LGALS8: variants seen among roughly 807,000 people sequenced by gnomAD.
LGALS8 encodes galectin 8.
In LGALS8, 30 loss-of-function variants were observed where a neutral mutation model predicts 35.9. That is an observed-to-expected ratio of 0.83 (90% CI 0.62 to 1.13). The LOEUF (loss-of-function observed/expected upper bound fraction) is 1.13, where lower values mean the gene tolerates loss of function less well. Among genes scored for constraint, LGALS8 ranks in the 50% most tolerant of loss-of-function variants. The pLI is 0.00. For missense variants in LGALS8, 366 were observed against 388.7 expected (o/e 0.94, Z 0.49); for synonymous variants, 138 against 136.1 (o/e 1.01, Z -0.10).
At chr1:236,525,945 T>C in intron 1 of LGALS8, 23 bp from the exon 2 acceptor site, 1 of 573,568 alleles carries the variant, frequency 1.7e-6, no homozygotes, top group Non-Finnish European at 3.1e-6. Context: ...ACTTTTCTTT[T>C]CCTCTATTTT....
intron 2 of LGALS8, among the ~76,000 whole-genome samples, chr1:236,537,031 T>TTTTTTTTTTTTG (rs1661565830): frequency 6.8e-6 from 1 of 146,270 alleles, no homozygotes; most frequent in Non-Finnish European, 1.5e-5. Context: ...CTTTTTTTTT[T>TTTTTTTTTTTTG]TTTGAGACGG....
At chr1:236,524,875 G>A (rs542900196) in intron 1 of LGALS8, 1 of 166,308 alleles carries the variant, frequency 6.0e-6, no homozygotes, top group South Asian at 1.3e-4. Flanking sequence ...TAAACCAAGA[G>A]GGATACAGTT....
intron 2 of LGALS8, among the ~76,000 whole-genome samples, chr1:236,533,400 T>G (rs1571998318): frequency 6.6e-6 from 1 of 151,886 alleles, no homozygotes; most frequent in East Asian, 2.0e-4. Context: ...AATGGCCCGA[T>G]CTCGGCTCAT....
At chr1:236,519,978 A>T (rs1328022313), upstream of LGALS8, among the ~76,000 whole-genome samples, 1 of 125,668 alleles carries the variant, frequency 8.0e-6, no homozygotes, top group Non-Finnish European at 1.6e-5. Flanking sequence ...TTTTTTTTAG[A>T]CACAGTTTCA....
chr1:236,537,962 T>TG (rs34216328), intron 3 of LGALS8, among the ~76,000 whole-genome samples: 87,575 of 144,564 alleles, frequency 0.61, 27,636 homozygotes, highest in Non-Finnish European at 0.69. Context: ...AAAAATTAAC[T>TG]GGCTTGGTGG....
chr1:236,537,082 T>C (rs1440251595), intron 2 of LGALS8, among the ~76,000 whole-genome samples: 11 of 146,970 alleles, frequency 7.5e-5, no homozygotes, highest in African/African-American at 2.8e-4. Context: ...AGTGGCGCGA[T>C]CTCGGCTCAC....
intron 2 of LGALS8, among the ~76,000 whole-genome samples, chr1:236,527,677 C>T (rs550338155): frequency 3.3e-4 from 36 of 107,466 alleles, no homozygotes; most frequent in Non-Finnish European, 6.8e-4. Flanking sequence ...GCTAGTTGCC[C>T]TTTCAATGTT....
intron 1 of LGALS8, chr1:236,524,498 T>C: frequency 2.2e-6 from 1 of 448,798 alleles, no homozygotes; most frequent in Non-Finnish European, 4.5e-6. Context: ...GTGACCTCCA[T>C]TGCGTTCCCT....
At chr1:236,527,744 T>A (rs2758991) in intron 2 of LGALS8, among the ~76,000 whole-genome samples, 109,668 of 151,040 alleles carry the variant, frequency 0.73, 40,098 homozygotes, top group Admixed American at 0.77. Flanking sequence ...TTTTTTTTTT[T>A]AATTTTTTGA....
intron 1 of LGALS8, 171 bp downstream of exon 1, chr1:236,524,232 G>A (rs1660675112): frequency 2.2e-6 from 1 of 456,118 alleles, no homozygotes; most frequent in Non-Finnish European, 4.4e-6. Flanking sequence ...CACCGCGGCA[G>A]AGCCGGGGCT....
chr1:236,539,361 C>T (rs16833828), intron 4 of LGALS8: 243,770 of 433,184 alleles, frequency 0.56, 72,587 homozygotes, highest in Non-Finnish European at 0.64. Flanking sequence ...GGCTGAGTTC[C>T]GAATTGACAC....
chr1:236,518,596 G>C (rs936798799), upstream of LGALS8: 12 of 152,160 alleles, frequency 7.9e-5, no homozygotes, highest in African/African-American at 2.9e-4. Context: ...GAATAGCAGG[G>C]TATGTGTTCT....
At position 236,538,960 on chromosome 1, in the gene LGALS8, G is replaced by A; in HGVS notation, c.216G>A (p.Arg72=). 1.2e-6 allele frequency: 2 copies of A among 1,614,110 alleles called. No homozygotes were observed. The highest frequency in any genetic ancestry group is 1.7e-5 in the Admixed American group (1 of 60,024). ...TTCATTTCAATCCTCGTTTCAAAAG[G>A]GCCGGCTGCATTGTTTGCAATACTT... ...VAFHFNPRFK[R]AGCIVCNTLI... The change falls in exon 4 of 10, where the codon AGG becomes AGA. Residue 72 remains arginine, a synonymous_variant. Coordinates refer to ENST00000366584, the MANE Select transcript of LGALS8 (RefSeq NM_201544.4).
At chr1:236,520,261 T>A (rs1156551520), upstream of LGALS8, among the ~76,000 whole-genome samples, 1 of 151,976 alleles carries the variant, frequency 6.6e-6, no homozygotes, top group Admixed American at 6.6e-5. Flanking sequence ...CTGGTCAAAA[T>A]TTTTGTTTTC....
intron 3 of LGALS8, 89 bp downstream of exon 3, chr1:236,537,674 T>C: frequency 1.0e-6 from 1 of 969,224 alleles, no homozygotes; most frequent in Non-Finnish European, 1.6e-6. Context: ...GAGAGACCAT[T>C]TGATACTTTG....
rs139380133 is a variant in LGALS8, at chr1:236,539,100, G to C, written c.345+11G>C. 1,641 of 1,609,528 alleles carry C rather than the reference G, an allele frequency of 1.0e-3. 21 individuals carry two copies. In the African/African-American group the frequency reaches 0.02, roughly 19 times the overall value. On this transcript the variant is annotated intron_variant, in intron 4 of 9. Transcript: ENST00000366584. ...AAGGACAAATTCCAGGTAGGTTTTG[G>C]AGAGGGACAGGTTGAGTCCTCATTA... is the stretch of plus-strand genomic sequence containing the variant.
upstream of LGALS8, among the ~76,000 whole-genome samples, chr1:236,518,764 T>G (rs1354827207): frequency 6.6e-6 from 1 of 152,200 alleles, no homozygotes; most frequent in African/African-American, 2.4e-5. Flanking sequence ...TTATCATATC[T>G]AACTTGTATT....
In LGALS8 at chr1:236,547,281, G is replaced by A. The variant is rs148265909; in HGVS notation, c.805-731G>A. ...GTAAAGGTGATGTAAAAGGCTAGTA[G>A]GTTTTTTGGTTTTTCATTGTTTGAG... On this transcript the variant is annotated intron_variant, in intron 9 of 9. Transcript: ENST00000366584. Among the ~76,000 whole-genome samples, 3 of 152,292 alleles carry A rather than the reference G, an allele frequency of 2.0e-5. No individual in the cohort carries two copies. The East Asian group carries it at 5.8e-4, about 29-fold the overall frequency.
chr1:236,524,534 C>T, intron 1 of LGALS8: 1 of 421,552 alleles, frequency 2.4e-6, no homozygotes, highest in South Asian at 1.6e-5. Flanking sequence ...TTTAGGATGC[C>T]GAGTCATTTG....
Sources: allele counts gnomAD v4.1 joint callset (sites outside exome capture counted in the v4.1 genomes callset), GRCh38; gene constraint gnomAD v4.1.1; transcripts MANE v1.5; gene names NCBI Gene and HGNC (gene_info 2026-07-23, HGNC 2026-07-21).